The following AHI1 variants were observed in gnomAD, a reference collection of about 807,000 sequenced individuals.
AHI1 encodes Abelson helper integration site 1.
In AHI1, 123 loss-of-function variants were observed where a neutral mutation model predicts 149.3. That is an observed-to-expected ratio of 0.82 (90% CI 0.71 to 0.96). The LOEUF (loss-of-function observed/expected upper bound fraction) is 0.96, where lower values mean the gene tolerates loss of function less well. AHI1 is among the 40% of genes least tolerant of loss of function. The pLI is 0.00. For synonymous variants in AHI1, 475 were observed against 459.8 expected (o/e 1.03, Z -0.42); for missense variants, 1,439 against 1,422.7 (o/e 1.01, Z -0.18).
At chr6:135,394,723 A>G (rs771290199) in intron 23 of AHI1, 53 bp downstream of exon 23, 28 of 1,599,464 alleles carry the variant, frequency 1.8e-5, no homozygotes, top group African/African-American at 1.5e-4. Context: ...ATTCATCAAC[A>G]CAACAAGCAT....
intron 5 of AHI1, among the ~76,000 whole-genome samples, chr6:135,477,660 A>ACTCTCT (rs140797151): frequency 6.9e-5 from 10 of 145,826 alleles, no homozygotes; most frequent in Non-Finnish European, 1.1e-4. Flanking sequence ...CCTCCTTCGC[A>ACTCTCT]CTCTCTCTCT....
intron 21 of AHI1, among the ~76,000 whole-genome samples, chr6:135,407,299 T>C (rs1400563898): frequency 6.6e-6 from 1 of 152,012 alleles, no homozygotes; most frequent in Non-Finnish European, 1.5e-5. Flanking sequence ...GAATTTGGGG[T>C]CTACTGAAAT....
chr6:135,325,536 T>G (rs1373407389), intron 24 of AHI1, among the ~76,000 whole-genome samples: 1 of 152,228 alleles, frequency 6.6e-6, no homozygotes, highest in East Asian at 1.9e-4. Context: ...TTATGACAAC[T>G]TGGTCAGGCC....
chr6:135,360,795 T>C (rs1793744497), intron 23 of AHI1, among the ~76,000 whole-genome samples: 2 of 152,152 alleles, frequency 1.3e-5, no homozygotes, highest in Non-Finnish European at 2.9e-5. Flanking sequence ...CAGGAATATA[T>C]AGATAGAATA....
chr6:135,332,332 G>A lies in AHI1; in HGVS notation c.3166-9008C>T, dbSNP rs370353554. On this transcript the variant is annotated intron_variant, in intron 24 of 28. Transcript: ENST00000265602. Reference sequence around the variant, plus strand: ...ATCTGCCTGCCTCGGCTTCCAAAGTGTTGGGATTACAGGCGTAAGCCACCG... The same window carrying A: ...ATCTGCCTGCCTCGGCTTCCAAAGTATTGGGATTACAGGCGTAAGCCACCG... Among the ~76,000 whole-genome samples the A allele has an allele frequency of 9.4e-4, 143 of 152,322 alleles. 2 individuals are homozygous for A. The highest frequency in any genetic ancestry group is 3.1e-3 in the African/African-American group (127 of 41,578).
At chr6:135,365,734 G>C (rs994973781) in intron 23 of AHI1, among the ~76,000 whole-genome samples, 23 of 152,066 alleles carry the variant, frequency 1.5e-4, no homozygotes, top group African/African-American at 5.3e-4. Context: ...GCGTTTTCTA[G>C]GTATACAATC....
intron 5 of AHI1, among the ~76,000 whole-genome samples, chr6:135,477,037 CTTTT>C (rs969980870): frequency 5.5e-5 from 8 of 145,542 alleles, no homozygotes; most frequent in African/African-American, 1.0e-4. Flanking sequence ...TCTTTGTCCT[CTTTT>C]TTTTTTTCTT....
At chr6:135,495,712 A>G (rs1562305587) in intron 3 of AHI1, 102 bp downstream of exon 3, 1 of 152,240 alleles carries the variant, frequency 6.6e-6, no homozygotes, top group Non-Finnish European at 1.5e-5. Flanking sequence ...ATCTGCCACT[A>G]TGAAAGAAAA....
intron 24 of AHI1, among the ~76,000 whole-genome samples, chr6:135,351,641 G>C (rs972632566): frequency 1.3e-5 from 2 of 152,158 alleles, no homozygotes; most frequent in Non-Finnish European, 2.9e-5. Flanking sequence ...GTGAGTACTG[G>C]GACAAACTGG....
At chr6:135,428,250 T>G (rs554072418) in intron 19 of AHI1, among the ~76,000 whole-genome samples, 1 of 151,654 alleles carries the variant, frequency 6.6e-6, no homozygotes, top group East Asian at 1.9e-4. Context: ...CCGTTACTAA[T>G]GAAAATATAG....
At chr6:135,381,710 T>C (rs1776789547) in intron 23 of AHI1, among the ~76,000 whole-genome samples, 1 of 152,200 alleles carries the variant, frequency 6.6e-6, no homozygotes, top group Non-Finnish European at 1.5e-5. Flanking sequence ...TCGGACTTAC[T>C]CTCCCCTCTG....
chr6:135,451,915 G>A (rs2876295), intron 11 of AHI1, among the ~76,000 whole-genome samples: 1 of 53,540 alleles, frequency 1.9e-5, no homozygotes, highest in African/African-American at 3.1e-5. Context: ...GGCATTAACA[G>A]ATTTATAAAA....
intron 25 of AHI1, among the ~76,000 whole-genome samples, chr6:135,321,118 C>T (rs1348946735): frequency 1.3e-5 from 2 of 152,118 alleles, no homozygotes; most frequent in Non-Finnish European, 2.9e-5. Flanking sequence ...TCAAAATCAG[C>T]TGGGCATGGT....
intron 4 of AHI1, among the ~76,000 whole-genome samples, chr6:135,491,964 T>C (rs1306789538): frequency 6.6e-6 from 1 of 152,144 alleles, no homozygotes; most frequent in African/African-American, 2.4e-5. Context: ...TGATAAAGAA[T>C]AAAAACTAAC....
Position 135,376,711 on chromosome 6 carries a change from A to G in AHI1, c.3109+18065T>C, listed in dbSNP as rs935039461. Among the ~76,000 whole-genome samples the G allele has an allele frequency of 1.1e-4, 16 of 151,682 alleles. No homozygotes were observed. The East Asian group carries it at 1.7e-3, about 17-fold the overall frequency. On this transcript the variant is annotated intron_variant, in intron 23 of 28. Coordinates refer to ENST00000265602, the MANE Select transcript of AHI1 (RefSeq NM_001134831.2). ...AGCCTGACCAACATGGTGAAACCCC[A>G]TCTCTACTAAAAATACAAAAATTAG...
chr6:135,422,312 T>C (rs1783293054), intron 20 of AHI1, among the ~76,000 whole-genome samples: 1 of 152,114 alleles, frequency 6.6e-6, no homozygotes. Context: ...AGACCAGGCC[T>C]AGGATTGTCT....
intron 16 of AHI1, among the ~76,000 whole-genome samples, chr6:135,432,462 C>T (rs1784801670): frequency 6.6e-6 from 1 of 152,144 alleles, no homozygotes; most frequent in African/African-American, 2.4e-5. Context: ...AAGCGATTCT[C>T]CTGTCCCAGC....
intron 5 of AHI1, 120 bp from the exon 6 acceptor site, chr6:135,467,754 G>C (rs1791023091): frequency 9.7e-6 from 6 of 620,068 alleles, no homozygotes; most frequent in African/African-American, 1.9e-5. Flanking sequence ...TTTTTACCTG[G>C]ACATAGTGAT....
intron 24 of AHI1, among the ~76,000 whole-genome samples, chr6:135,339,283 A>T (rs1160427404): frequency 6.6e-6 from 1 of 152,192 alleles, no homozygotes; most frequent in Non-Finnish European, 1.5e-5. Context: ...TCAAAAAATT[A>T]CGAAACATGC....
Sources: gnomAD v4.1 joint callset for allele counts (sites outside exome capture counted in the v4.1 genomes callset) on GRCh38, gnomAD v4.1.1 for gene constraint, MANE v1.5 for transcripts, NCBI Gene and HGNC (gene_info 2026-07-23, HGNC 2026-07-21) for gene names.